Variants in CCT6B observed in about 807,000 individuals in gnomAD.
CCT6B encodes the protein probable T-complex protein 1 subunit zeta-2.
A neutral mutation model predicts 61.5 loss-of-function variants in CCT6B; 49 were observed. That is an observed-to-expected ratio of 0.80 (90% CI 0.63 to 1.01). The LOEUF (loss-of-function observed/expected upper bound fraction) is 1.01, where lower values mean the gene tolerates loss of function less well. Among genes scored for constraint, CCT6B ranks in the 50% least tolerant of loss-of-function variants. The probability of loss-of-function intolerance (pLI) is 0.00; values close to 1 mark genes in which losing one functional copy is unlikely to be tolerated. For missense variants in CCT6B, 666 were observed against 634.7 expected (o/e 1.05, Z -0.53); for synonymous variants, 228 against 214.5 (o/e 1.06, Z -0.55).
Position 34,927,940 on chromosome 17 carries a change from C to T in CCT6B, c.*108G>A, listed in dbSNP as rs75919796. 18,256 of 662,916 alleles carry T rather than the reference C, an allele frequency of 0.028. 434 individuals are homozygous for T. Among genetic ancestry groups the T allele is most frequent in the East Asian group, 0.085 (2,844 of 33,652 alleles). The allele number at this position is 662,916 out of a possible 1,614,324, so 41.1% of individuals were successfully genotyped here. On this transcript the variant is annotated 3_prime_UTR_variant, in exon 14 of 14. Transcript: ENST00000314144. ...ACTATTAAGACCCAAAAGACATAAA[C>T]TGCATTTATTGTGTAGAAATTCAGA... is the stretch of plus-strand genomic sequence containing the variant.
At chr17:34,953,500 T>C (rs1288161980) in intron 4 of CCT6B, among the ~76,000 whole-genome samples, 6 of 151,916 alleles carry the variant, frequency 3.9e-5, no homozygotes, top group Non-Finnish European at 8.8e-5. Context: ...CAGCTAATTT[T>C]TGTATTTTGA....
At position 34,942,779 on chromosome 17, in the gene CCT6B, G is replaced by A. The variant is rs764103251; in HGVS notation, c.725+17C>T. The A allele has an allele frequency of 1.3e-6, 2 of 1,557,554 alleles. No individual in the cohort carries two copies. Among genetic ancestry groups the A allele is most frequent in the South Asian group, 1.2e-5 (1 of 86,068 alleles). On this transcript the variant is annotated intron_variant, in intron 6 of 13. Coordinates refer to ENST00000314144, the MANE Select transcript of CCT6B (RefSeq NM_006584.4). ...GAAAAAAAAATTCAAAAGTTATAAAGAGAAAGTAACACGCACGTTTTTTCA... is the reference window on the plus strand; with the variant it reads ...GAAAAAAAAATTCAAAAGTTATAAAAAGAAAGTAACACGCACGTTTTTTCA...
chr17:34,930,944 CT>C lies in CCT6B; in HGVS notation c.1450+4del. The C allele has an allele frequency of 6.6e-7, 1 of 1,519,958 alleles. No individual in the cohort carries two copies. Among genetic ancestry groups the C allele is most frequent in the African/African-American group, 1.4e-5 (1 of 73,264 alleles). 94.2% of individuals were successfully genotyped at this position (1,519,958 alleles called of 1,614,324 possible). A position where few individuals can be genotyped will look rare whatever the true frequency, so the allele number is the denominator to read the frequency against. ...TAAGCAGCTAATTTTCCTTCACTTTCTTACCTGTATTCAAATCTACGCCCAC... is the reference window on the plus strand; with the variant it reads ...TAAGCAGCTAATTTTCCTTCACTTTCTACCTGTATTCAAATCTACGCCCAC... On this transcript the variant is annotated splice_donor_region_variant and intron_variant, in intron 12 of 13. Coordinates refer to ENST00000314144, the MANE Select transcript of CCT6B (RefSeq NM_006584.4).
intron 10 of CCT6B, among the ~76,000 whole-genome samples, chr17:34,938,900 T>C (rs946181544): frequency 2.1e-4 from 32 of 152,178 alleles, no homozygotes; most frequent in African/African-American, 4.8e-4. Context: ...CTGGCCAACA[T>C]GGCGAAACCC....
intron 3 of CCT6B, among the ~76,000 whole-genome samples, chr17:34,958,098 C>T (rs896559716): frequency 2.6e-5 from 4 of 152,128 alleles, no homozygotes; most frequent in African/African-American, 9.7e-5. Context: ...TTTTGGCCAA[C>T]AAAGTTCATT....
intron 5 of CCT6B, among the ~76,000 whole-genome samples, chr17:34,946,282 A>G (rs998047676): frequency 6.6e-6 from 1 of 152,242 alleles, no homozygotes; most frequent in African/African-American, 2.4e-5. Flanking sequence ...TTCAAGCACA[A>G]TGAATGGCAC....
At chr17:34,932,586 G>T in intron 10 of CCT6B, 86 bp from the exon 11 acceptor site, 1 of 1,244,444 alleles carries the variant, frequency 8.0e-7, no homozygotes, top group Non-Finnish European at 1.1e-6. Flanking sequence ...CACTATTTAA[G>T]TATGTTCTAT....
chr17:34,958,795 G>C, intron 2 of CCT6B, 101 bp from the exon 3 acceptor site: 1 of 788,236 alleles, frequency 1.3e-6, no homozygotes, highest in South Asian at 3.4e-5. Context: ...ATTAAAAAAT[G>C]AAATAAGCTT....
chr17:34,948,232 C>T (rs964067853), intron 5 of CCT6B, among the ~76,000 whole-genome samples: 2 of 151,946 alleles, frequency 1.3e-5, no homozygotes, highest in African/African-American at 4.8e-5. Flanking sequence ...CCAAAGTCCA[C>T]TGTTAAGATG....
chr17:34,943,434 A>G (rs1275253839), intron 5 of CCT6B: 1 of 152,302 alleles, frequency 6.6e-6, no homozygotes. Flanking sequence ...ACAATAGGGT[A>G]TTATTCAGCA....
At chr17:34,958,181 T>C (rs547412329) in intron 3 of CCT6B, among the ~76,000 whole-genome samples, 18 of 152,318 alleles carry the variant, frequency 1.2e-4, no homozygotes, top group African/African-American at 3.8e-4. Context: ...CGGTGGCTCA[T>C]GCCTGTAATC....
chr17:34,953,551 A>T (rs2090316198), intron 4 of CCT6B, among the ~76,000 whole-genome samples: 1 of 151,840 alleles, frequency 6.6e-6, no homozygotes, highest in African/African-American at 2.4e-5. Flanking sequence ...GCTGGTCTCA[A>T]ACTCCTGACC....
chr17:34,946,858 G>A (rs933668581), intron 5 of CCT6B, among the ~76,000 whole-genome samples: 2 of 152,112 alleles, frequency 1.3e-5, no homozygotes, highest in Non-Finnish European at 2.9e-5. Context: ...AATCTATGCC[G>A]CAGAAATTCA....
intron 5 of CCT6B, among the ~76,000 whole-genome samples, chr17:34,950,937 AAAAAAG>A (rs940645106): frequency 6.6e-6 from 1 of 152,018 alleles, no homozygotes; most frequent in African/African-American, 2.4e-5. Flanking sequence ...TCAAAAAAAA[AAAAAAG>A]AAGAAGAAGA....
In CCT6B at chr17:34,958,631, C is replaced by G; in HGVS notation, c.265G>C (p.Gly89Arg). 1 of 1,605,680 alleles carries G rather than the reference C, an allele frequency of 6.2e-7. No homozygotes were observed. Among genetic ancestry groups the G allele is most frequent in the Non-Finnish European group, 8.5e-7 (1 of 1,175,414 alleles). Residue 89 changes from glycine to arginine, a missense_variant, in exon 3 of 14, where the codon GGA becomes CGA. Coordinates refer to ENST00000314144, the MANE Select transcript of CCT6B (RefSeq NM_006584.4). The part of the protein sequence containing the change: ...KVATAQDDVT[G>R]DGTTSNVLII... Reference sequence around the variant, plus strand: ...AGAACATTTGAAGTAGTACCATCTCCTGTGACGTCATCCTGAGCTGTTGCT... The same window carrying G: ...AGAACATTTGAAGTAGTACCATCTCGTGTGACGTCATCCTGAGCTGTTGCT...
At chr17:34,947,289 T>G (rs948548782) in intron 5 of CCT6B, among the ~76,000 whole-genome samples, 9 of 152,138 alleles carry the variant, frequency 5.9e-5, no homozygotes, top group African/African-American at 1.9e-4. Flanking sequence ...AGATAAACGA[T>G]AGCACTCAAA....
Position 34,939,706 on chromosome 17 carries a change from G to C in CCT6B, c.976C>G (p.Leu326Val), listed in dbSNP as rs771947433. 5.0e-6 allele frequency: 8 copies of C among 1,607,360 alleles called. No individual in the cohort carries two copies. The highest frequency in any genetic ancestry group is 6.8e-6 in the Non-Finnish European group (8 of 1,174,016). Residue 326 changes from leucine to valine, a missense_variant, in exon 9 of 14, where the codon CTT becomes GTT. By Grantham distance (32) the Leu-to-Val change is conservative (BLOSUM62 1). Coordinates refer to ENST00000314144, the MANE Select transcript of CCT6B (RefSeq NM_006584.4). ...AKRRNMERLS[L>V]ACGGMAVNSF... ...TTCACGGCCATTCCACCACAAGCAAGAGAGAGTCTGAAATTACATATATGT... is the reference window on the plus strand; with the variant it reads ...TTCACGGCCATTCCACCACAAGCAACAGAGAGTCTGAAATTACATATATGT...
At chr17:34,954,739 AT>A in intron 3 of CCT6B, 140 bp from the exon 4 acceptor site, 1 of 625,878 alleles carries the variant, frequency 1.6e-6, no homozygotes, top group Non-Finnish European at 2.6e-6. Context: ...TATAAAAGTC[AT>A]TTTAGTGCTT....
In CCT6B at chr17:34,958,714, G is replaced by C; in HGVS notation, c.202-20C>G. 1 of 1,569,634 alleles carries C rather than the reference G, an allele frequency of 6.4e-7. No individual in the cohort carries two copies. Among genetic ancestry groups the C allele is most frequent in the African/African-American group, 1.4e-5 (1 of 73,702 alleles). ...AATTTGCTGGAAAAAGCAAGCAACA[G>C]ATTTAAAAAGACAGGATGAGATAAG... On this transcript the variant is annotated intron_variant, in intron 2 of 13. Coordinates refer to ENST00000314144, the MANE Select transcript of CCT6B (RefSeq NM_006584.4).
Sources: allele counts gnomAD v4.1 joint callset (sites outside exome capture counted in the v4.1 genomes callset), GRCh38; gene constraint gnomAD v4.1.1; transcripts MANE v1.5; gene names NCBI Gene and HGNC (gene_info 2026-07-23, HGNC 2026-07-21).